The following TBC1D22A variants were observed in gnomAD, a reference collection of about 807,000 sequenced individuals.
The protein encoded by TBC1D22A is TBC1 domain family member 22A.
Under a neutral mutation model 60.2 loss-of-function variants are expected in TBC1D22A, and 38 were observed. The observed-to-expected ratio is 0.63, with a 90% CI of 0.49 to 0.83. The LOEUF (loss-of-function observed/expected upper bound fraction) is 0.83, where lower values mean the gene tolerates loss of function less well. TBC1D22A is among the 40% of genes least tolerant of loss of function. TBC1D22A has a pLI of 0.00. For missense variants in TBC1D22A, 628 were observed against 701.0 expected (o/e 0.90, Z 1.18); for synonymous variants, 302 against 281.7 (o/e 1.07, Z -0.72).
intron 4 of TBC1D22A, among the ~76,000 whole-genome samples, chr22:46,837,844 C>T (rs564185727): frequency 1.3e-5 from 2 of 152,280 alleles, no homozygotes; most frequent in African/African-American, 2.4e-5. Context: ...CAGTGGATCA[C>T]GAGGTCAGGA....
At chr22:47,039,868 G>C (rs1603119665) in intron 11 of TBC1D22A, among the ~76,000 whole-genome samples, 1 of 151,492 alleles carries the variant, frequency 6.6e-6, no homozygotes, top group South Asian at 2.1e-4. Context: ...ATGGCAGAAG[G>C]TGAAGAGGAA....
chr22:46,840,665 G>A lies in TBC1D22A; in HGVS notation c.638-37988G>A, dbSNP rs550956742. On this transcript the variant is annotated intron_variant, in intron 4 of 12. Transcript: ENST00000337137. ...GGAGAATGGCTTGAACCCAGAAGGC[G>A]GAGGTTGCAGTGAGCCGAGATTGCG... is the stretch of plus-strand genomic sequence containing the variant. 3.2e-4 allele frequency among the ~76,000 whole-genome samples: 48 copies of A among 152,186 alleles called. No homozygotes were observed. The South Asian group carries it at 7.1e-3, about 22-fold the overall frequency.
chr22:47,123,568 G>A (rs973113040), intron 12 of TBC1D22A, among the ~76,000 whole-genome samples: 6 of 152,216 alleles, frequency 3.9e-5, no homozygotes, highest in Admixed American at 2.0e-4. Flanking sequence ...AGAATGGCCC[G>A]TGGCAGTGGG....
intron 11 of TBC1D22A, among the ~76,000 whole-genome samples, chr22:47,096,550 G>A (rs970811176): frequency 4.6e-5 from 7 of 152,170 alleles, no homozygotes; most frequent in Admixed American, 1.3e-4. Flanking sequence ...GGCCGGGCAC[G>A]GTGGCTCATG....
In TBC1D22A at chr22:46,974,908, A is replaced by T. The variant is rs182421118; in HGVS notation, c.1125+509A>T. ...CGAGCTGGTGGGAGTCCCCTGCACC[A>T]CAGTGGGGACCCTGCGGGTCTCTGC... On this transcript the variant is annotated intron_variant, in intron 9 of 12. Coordinates refer to ENST00000337137, the MANE Select transcript of TBC1D22A (RefSeq NM_014346.5). Among the ~76,000 whole-genome samples the T allele has an allele frequency of 1.6e-4, 25 of 152,292 alleles. No homozygotes were observed. The East Asian group carries it at 4.9e-3, about 30-fold the overall frequency.
Position 46,990,815 on chromosome 22 carries a change from G to T in TBC1D22A, c.1126-6819G>T, listed in dbSNP as rs1025453899. ...TTGCTGGCTGTCTCCCTCCCGCGCC[G>T]GCGTTCGTGACGGCTCTGCTCCTCG... On this transcript the variant is annotated intron_variant, in intron 9 of 12. Transcript: ENST00000337137. The surrounding 1 kb of genome is among the most constrained non-coding windows in gnomAD (Gnocchi z 4.6). Among the ~76,000 whole-genome samples, 1 of 152,190 alleles carries T rather than the reference G, an allele frequency of 6.6e-6. No homozygotes were observed. Among genetic ancestry groups the T allele is most frequent in the Admixed American group, 6.5e-5 (1 of 15,288 alleles).
intron 10 of TBC1D22A, among the ~76,000 whole-genome samples, chr22:46,998,082 T>A (rs2075180532): frequency 6.6e-6 from 1 of 152,144 alleles, no homozygotes; most frequent in East Asian, 1.9e-4. Flanking sequence ...GCTAGAATAA[T>A]TTCTCCATGG....
chr22:46,786,038 C>G lies in TBC1D22A; in HGVS notation c.63-6482C>G, dbSNP rs148460811. ...CTCAAGTTATTCTCCCCACCTTGGCCTCCCAAAGTGCTGGATTACAGGCAT... is the reference window on the plus strand; with the variant it reads ...CTCAAGTTATTCTCCCCACCTTGGCGTCCCAAAGTGCTGGATTACAGGCAT... On this transcript the variant is annotated intron_variant, in intron 1 of 12. Coordinates refer to ENST00000337137, the MANE Select transcript of TBC1D22A (RefSeq NM_014346.5). 3.7e-3 allele frequency among the ~76,000 whole-genome samples: 558 copies of G among 152,286 alleles called. 4 individuals carry two copies. The highest frequency in any genetic ancestry group is 0.013 in the African/African-American group (536 of 41,560).
intron 12 of TBC1D22A, among the ~76,000 whole-genome samples, chr22:47,129,716 A>G (rs1340828190): frequency 2.0e-5 from 3 of 152,210 alleles, no homozygotes; most frequent in Non-Finnish European, 4.4e-5. Context: ...ACCTTTTTAA[A>G]AAACAAAAAT....
At chr22:47,044,075 C>A (rs2062951365) in intron 11 of TBC1D22A, among the ~76,000 whole-genome samples, 1 of 152,068 alleles carries the variant, frequency 6.6e-6, no homozygotes, top group Non-Finnish European at 1.5e-5. Context: ...AAGGGCATCG[C>A]TGAGGCCGTG....
intron 8 of TBC1D22A, among the ~76,000 whole-genome samples, chr22:46,924,912 T>C (rs946823309): frequency 6.6e-6 from 1 of 152,126 alleles, no homozygotes; most frequent in African/African-American, 2.4e-5. Flanking sequence ...GGATGGCAGG[T>C]AAAATCCCCA....
At chr22:46,948,085 A>G (rs937363821) in intron 8 of TBC1D22A, among the ~76,000 whole-genome samples, 6 of 152,222 alleles carry the variant, frequency 3.9e-5, no homozygotes, top group Non-Finnish European at 7.3e-5. Flanking sequence ...GAGGGCGGCA[A>G]GGACGGAGGG....
At chr22:47,093,704 C>A (rs1211467690) in intron 11 of TBC1D22A, among the ~76,000 whole-genome samples, 1 of 152,216 alleles carries the variant, frequency 6.6e-6, no homozygotes, top group Non-Finnish European at 1.5e-5. Context: ...CTGAGCACAT[C>A]ATTGATGACA....
chr22:46,927,884 C>T (rs1383098807), intron 8 of TBC1D22A, among the ~76,000 whole-genome samples: 1 of 152,138 alleles, frequency 6.6e-6, no homozygotes, highest in Non-Finnish European at 1.5e-5. Flanking sequence ...GCAACATTCG[C>T]ACTCTGAAAA....
intron 11 of TBC1D22A, among the ~76,000 whole-genome samples, chr22:47,045,091 CAG>C (rs1438361422): frequency 6.6e-6 from 1 of 152,234 alleles, no homozygotes; most frequent in African/African-American, 2.4e-5. Flanking sequence ...GGACAAAATG[CAG>C]AGTTGTGCTT....
intron 11 of TBC1D22A, among the ~76,000 whole-genome samples, chr22:47,111,167 G>C (rs775601598): frequency 1.3e-5 from 2 of 152,204 alleles, no homozygotes; most frequent in African/African-American, 4.8e-5. Flanking sequence ...AGTAGACTCT[G>C]TGTCTGGCAT....
At chr22:46,981,997 G>GTA (rs1453449876) in intron 9 of TBC1D22A, among the ~76,000 whole-genome samples, 1 of 152,200 alleles carries the variant, frequency 6.6e-6, no homozygotes, top group Non-Finnish European at 1.5e-5. Flanking sequence ...TCTGGGTGGG[G>GTA]GATTAGCAGA....
At chr22:47,056,572 C>T (rs371821887) in intron 11 of TBC1D22A, among the ~76,000 whole-genome samples, 4 of 152,198 alleles carry the variant, frequency 2.6e-5, no homozygotes, top group African/African-American at 7.2e-5. Context: ...CTCTCCACCC[C>T]GTCTGTGCAC....
chr22:47,061,924 C>G (rs1392222596), intron 11 of TBC1D22A, among the ~76,000 whole-genome samples: 1 of 151,852 alleles, frequency 6.6e-6, no homozygotes, highest in East Asian at 1.9e-4. Context: ...CCCGTTTCTA[C>G]TAAAAATACA....
Sources: gnomAD v4.1 joint callset for allele counts (sites outside exome capture counted in the v4.1 genomes callset) on GRCh38, gnomAD v4.1.1 for gene constraint, Gnocchi (gnomAD v3.1) non-coding constraint, MANE v1.5 for transcripts, NCBI Gene and HGNC (gene_info 2026-07-23, HGNC 2026-07-21) for gene names.